The following HS3ST4 variants were observed in gnomAD, a reference collection of about 807,000 sequenced individuals.
HS3ST4 encodes the protein heparan sulfate-glucosamine 3-sulfotransferase 4, also known as heparan sulfate glucosamine 3-O-sulfotransferase 4.
Under a neutral mutation model 29.2 loss-of-function variants are expected in HS3ST4, and 17 were observed. The ratio of observed to expected loss-of-function variants is 0.58; its 90% CI spans 0.40 to 0.87. HS3ST4 has a LOEUF of 0.87. Among genes scored for constraint, HS3ST4 ranks in the 40% least tolerant of loss-of-function variants. The pLI, the probability that HS3ST4 is intolerant of heterozygous loss-of-function variation, is 0.00. For synonymous variants in HS3ST4, 314 were observed against 285.7 expected (o/e 1.10, Z -1.00); for missense variants, 627 against 634.5 (o/e 0.99, Z 0.13).
chr16:26,091,898 A>G (rs977289676), intron 1 of HS3ST4, among the ~76,000 whole-genome samples: 5 of 152,184 alleles, frequency 3.3e-5, no homozygotes, highest in Admixed American at 2.0e-4. Flanking sequence ...GAGGTCTGCT[A>G]TTAGTGTGGG....
intron 1 of HS3ST4, among the ~76,000 whole-genome samples, chr16:25,698,802 C>G (rs931987227): frequency 1.3e-5 from 2 of 152,152 alleles, no homozygotes; most frequent in African/African-American, 4.8e-5. Flanking sequence ...GTGTGCATCT[C>G]CTTACCCTTT....
At position 26,013,162 on chromosome 16, in the gene HS3ST4, AAAAT is replaced by A. The variant is rs1219041826; in HGVS notation, c.735-122440_735-122437del. On this transcript the variant is annotated intron_variant, in intron 1 of 1. Coordinates refer to ENST00000331351, the MANE Select transcript of HS3ST4 (RefSeq NM_006040.3). Reference sequence around the variant, plus strand: ...CTGGTGACAGAGCAAGACTCTGTCAAAAATAAATAAATACATACATAAAATAAAA... The same window carrying A: ...CTGGTGACAGAGCAAGACTCTGTCAAAAATAAATACATACATAAAATAAAA... Among the ~76,000 whole-genome samples the A allele has an allele frequency of 2.6e-5, 4 of 152,260 alleles. No homozygotes were observed. The South Asian group carries it at 6.2e-4, about 24-fold the overall frequency.
At chr16:25,959,593 G>A (rs1424473925) in intron 1 of HS3ST4, among the ~76,000 whole-genome samples, 1 of 152,182 alleles carries the variant, frequency 6.6e-6, no homozygotes, top group Non-Finnish European at 1.5e-5. Flanking sequence ...TGAAAAAGGG[G>A]CAATTTTTGT....
intron 1 of HS3ST4, among the ~76,000 whole-genome samples, chr16:25,950,516 A>G (rs889952043): frequency 1.2e-4 from 19 of 152,136 alleles, no homozygotes; most frequent in Non-Finnish European, 2.9e-5. Flanking sequence ...TGAATGAATG[A>G]ATGGTTAAGT....
chr16:25,868,797 A>G (rs1434947556), intron 1 of HS3ST4, among the ~76,000 whole-genome samples: 2 of 152,182 alleles, frequency 1.3e-5, no homozygotes, highest in African/African-American at 4.8e-5. Context: ...TCACAGGGAA[A>G]GTGGGGCTGA....
chr16:26,045,952 TTTACA>T (rs1898259733), intron 1 of HS3ST4, among the ~76,000 whole-genome samples: 1 of 152,164 alleles, frequency 6.6e-6, no homozygotes, highest in African/African-American at 2.4e-5. Flanking sequence ...TCAGCTTTAT[TTTACA>T]TTACATCGAA....
intron 1 of HS3ST4, among the ~76,000 whole-genome samples, chr16:25,763,919 G>A (rs1374896112): frequency 6.6e-6 from 1 of 152,188 alleles, no homozygotes; most frequent in East Asian, 1.9e-4. Context: ...AGGAAAGGTT[G>A]CCTGGAGATC....
chr16:25,946,885 G>A (rs1440732809), intron 1 of HS3ST4, among the ~76,000 whole-genome samples: 2 of 152,092 alleles, frequency 1.3e-5, no homozygotes, highest in Non-Finnish European at 2.9e-5. Flanking sequence ...AAAAAGTAGT[G>A]CACACTCAAG....
chr16:25,831,931 C>T (rs1033070368), intron 1 of HS3ST4, among the ~76,000 whole-genome samples: 3 of 152,058 alleles, frequency 2.0e-5, no homozygotes, highest in African/African-American at 7.2e-5. Flanking sequence ...CATAGGGAGA[C>T]TATGACTCTA....
chr16:26,032,837 C>T lies in HS3ST4; in HGVS notation c.735-102775C>T, dbSNP rs1969544181. ...GGTGGTGGCGGCGACGGCAGCAGGA[C>T]GTAGGTGCTGGACGCGGGATGCAGT... On this transcript the variant is annotated intron_variant, in intron 1 of 1. Transcript: ENST00000331351. 10 of 1,569,672 alleles carry T rather than the reference C, an allele frequency of 6.4e-6. No individual in the cohort carries two copies. The East Asian group carries it at 6.8e-5, about 11-fold the overall frequency.
intron 1 of HS3ST4, among the ~76,000 whole-genome samples, chr16:25,863,438 G>T (rs1007760398): frequency 6.6e-6 from 1 of 152,006 alleles, no homozygotes; most frequent in Non-Finnish European, 1.5e-5. Context: ...TCTTCATGAT[G>T]TTTTATGATA....
rs370500139 is a variant in HS3ST4, at chr16:26,075,998, C to T, written c.735-59614C>T. Among the ~76,000 whole-genome samples the T allele has an allele frequency of 4.0e-4, 61 of 152,184 alleles. No homozygotes were observed. In the Middle Eastern group the frequency reaches 0.01, roughly 25 times the overall value. The stretch of plus-strand genomic sequence containing the variant: ...AATCCATTTCTCCATCAATGACACA[C>T]AGAAAAAAGAAAAAATAACTCTCTT... On this transcript the variant is annotated intron_variant, in intron 1 of 1. Transcript: ENST00000331351.
At chr16:26,042,354 CTGTGTGTGTG>C (rs71732983) in intron 1 of HS3ST4, among the ~76,000 whole-genome samples, 2 of 148,452 alleles carry the variant, frequency 1.3e-5, no homozygotes, top group African/African-American at 2.5e-5. Context: ...GCATTTATCT[CTGTGTGTGTG>C]TGTGTGTGTG....
chr16:25,692,989 A>G lies in HS3ST4; in HGVS notation c.572A>G (p.Asp191Gly), dbSNP rs146022178. 0.022 allele frequency: 35,794 copies of G among 1,611,354 alleles called. 589 individuals carry two copies. Among genetic ancestry groups the G allele is most frequent in the Non-Finnish European group, 0.025 (29,275 of 1,179,352 alleles). Residue 191 changes from aspartate to glycine, a missense_variant, in exon 1 of 2, where the codon GAC becomes GGC. Asp to Gly is a moderately conservative substitution (Grantham distance 94). Around this residue, in one of 2 missense-constraint regions of HS3ST4, gnomAD observed 402 missense variants for 340.8 expected, o/e 1.18. Transcript: ENST00000331351. ...SERGGAVSTP[D>G]YGEKKLPQAL... is the part of the protein sequence containing the mutation. ...AGGGGCGGCGCCGTCAGCACCCCCG[A>G]CTATGGGGAGAAGAAGCTGCCACAG...
intron 1 of HS3ST4, among the ~76,000 whole-genome samples, chr16:25,745,244 G>C (rs1340172517): frequency 6.6e-6 from 1 of 152,006 alleles, no homozygotes; most frequent in Non-Finnish European, 1.5e-5. Flanking sequence ...TGGGTCACTG[G>C]CAATCTTGGC....
At chr16:26,061,691 G>A (rs754192014) in intron 1 of HS3ST4, among the ~76,000 whole-genome samples, 1 of 152,186 alleles carries the variant, frequency 6.6e-6, no homozygotes, top group Non-Finnish European at 1.5e-5. Context: ...ATCTCTAAGT[G>A]TAGCTTGACT....
At chr16:25,790,833 A>C (rs1315802867) in intron 1 of HS3ST4, among the ~76,000 whole-genome samples, 1 of 152,158 alleles carries the variant, frequency 6.6e-6, no homozygotes, top group Non-Finnish European at 1.5e-5. Context: ...AATATATTCA[A>C]CTAGTCTGTG....
intron 1 of HS3ST4, among the ~76,000 whole-genome samples, chr16:25,976,977 T>C (rs992321552): frequency 5.9e-5 from 9 of 152,190 alleles, no homozygotes; most frequent in Non-Finnish European, 2.9e-5. Context: ...TATTTAATAA[T>C]GTAAAAACCA....
At chr16:25,738,097 G>C (rs1966623236) in intron 1 of HS3ST4, among the ~76,000 whole-genome samples, 1 of 151,930 alleles carries the variant, frequency 6.6e-6, no homozygotes, top group African/African-American at 2.4e-5. Context: ...GTAGAGATGG[G>C]GTTTCACCGT....
Sources: allele counts gnomAD v4.1 joint callset (sites outside exome capture counted in the v4.1 genomes callset), GRCh38; gene constraint gnomAD v4.1.1; regional missense constraint gnomAD v4.1.1; transcripts MANE v1.5; gene names NCBI Gene and HGNC (gene_info 2026-07-23, HGNC 2026-07-21).